Variants in DYNC1I1 observed in about 807,000 individuals in gnomAD.
DYNC1I1 encodes the protein dynein cytoplasmic 1 intermediate chain 1.
A neutral mutation model predicts 86.6 loss-of-function variants in DYNC1I1; 43 were observed. That is an observed-to-expected ratio of 0.50 (90% confidence interval 0.39 to 0.64). The LOEUF (loss-of-function observed/expected upper bound fraction) is 0.64, where lower values mean the gene tolerates loss of function less well. Among genes scored for constraint, DYNC1I1 ranks in the 30% least tolerant of loss-of-function variants. The probability of loss-of-function intolerance (pLI) is 0.00; values close to 1 mark genes in which losing one functional copy is unlikely to be tolerated. For missense variants in DYNC1I1, 604 were observed against 788.8 expected (o/e 0.77, Z 2.81); for synonymous variants, 262 against 283.7 (o/e 0.92, Z 0.77).
chr7:96,087,975 A>G (rs1251623992), intron 16 of DYNC1I1, among the ~76,000 whole-genome samples: 2 of 152,178 alleles, frequency 1.3e-5, no homozygotes, highest in Non-Finnish European at 2.9e-5. Context: ...TATTAACTTT[A>G]TTTCTTCTGG....
intron 1 of DYNC1I1, among the ~76,000 whole-genome samples, chr7:95,803,558 GTGAC>G (rs2115790157): frequency 6.6e-6 from 1 of 152,348 alleles, no homozygotes; most frequent in East Asian, 1.9e-4. Context: ...GTGTCCCAGA[GTGAC>G]TGTAGATTCA....
At chr7:95,858,752 T>C (rs1047436389) in intron 5 of DYNC1I1, among the ~76,000 whole-genome samples, 3 of 151,642 alleles carry the variant, frequency 2.0e-5, no homozygotes, top group African/African-American at 7.3e-5. Flanking sequence ...CATGATAGTA[T>C]GTCTTTAAAT....
intron 14 of DYNC1I1, among the ~76,000 whole-genome samples, chr7:96,039,809 C>T (rs1189582034): frequency 6.6e-6 from 1 of 152,004 alleles, no homozygotes; most frequent in Non-Finnish European, 1.5e-5. Context: ...TACTTACTTA[C>T]ATATGTACCT....
At chr7:95,897,446 ATT>A (rs200728895) in intron 6 of DYNC1I1, among the ~76,000 whole-genome samples, 1 of 106,240 alleles carries the variant, frequency 9.4e-6, no homozygotes, top group Non-Finnish European at 2.4e-5. Flanking sequence ...ATTGACCATG[ATT>A]TTTTTTTTTT....
chr7:95,949,253 T>C (rs1792488443), intron 6 of DYNC1I1, among the ~76,000 whole-genome samples: 1 of 152,236 alleles, frequency 6.6e-6, no homozygotes, highest in Non-Finnish European at 1.5e-5. Flanking sequence ...TCATAAAATG[T>C]AGCTCTGGAG....
rs373719281 is a variant in DYNC1I1, at chr7:95,968,880, G to A, written c.491-8632G>A. Among the ~76,000 whole-genome samples, 167 of 149,202 alleles carry A rather than the reference G, an allele frequency of 1.1e-3. 1 individual carries two copies. The highest frequency in any genetic ancestry group is 4.0e-3 in the African/African-American group (163 of 40,896). On this transcript the variant is annotated intron_variant, in intron 6 of 16. Coordinates refer to ENST00000447467, the MANE Select transcript of DYNC1I1 (RefSeq NM_001135556.2). ...TGTGTGTGTGTGTGTGTAGGCATGT[G>A]CATGCATATGTGGACAGCTACACAT... is the stretch of plus-strand genomic sequence containing the variant.
intron 6 of DYNC1I1, among the ~76,000 whole-genome samples, chr7:95,968,160 G>T (rs12704827): frequency 0.098 from 14,905 of 151,542 alleles, 980 homozygotes; most frequent in Non-Finnish European, 0.15. Flanking sequence ...ACCAGGTGCT[G>T]CATAAAAAGC....
chr7:96,066,177 G>T (rs1453883303), intron 14 of DYNC1I1, among the ~76,000 whole-genome samples: 1 of 152,076 alleles, frequency 6.6e-6, no homozygotes, highest in Non-Finnish European at 1.5e-5. Context: ...ATCCGTCTGG[G>T]AATACCATAC....
At chr7:96,068,131 A>C (rs915756400) in intron 14 of DYNC1I1, among the ~76,000 whole-genome samples, 1 of 152,126 alleles carries the variant, frequency 6.6e-6, no homozygotes, top group African/African-American at 2.4e-5. Flanking sequence ...ATACTAGACT[A>C]TTTTCCCACT....
chr7:95,932,917 A>G (rs1257255588), intron 6 of DYNC1I1, among the ~76,000 whole-genome samples: 3 of 130,658 alleles, frequency 2.3e-5, no homozygotes, highest in African/African-American at 8.6e-5. Context: ...GTCTCACTCT[A>G]TTGCCCAGAC....
At chr7:96,004,614 G>C (rs1794095500) in intron 10 of DYNC1I1, among the ~76,000 whole-genome samples, 1 of 150,860 alleles carries the variant, frequency 6.6e-6, no homozygotes, top group African/African-American at 2.4e-5. Context: ...GCAAAAAATT[G>C]TACCCAAGTG....
chr7:95,850,993 G>C (rs1789562637), intron 5 of DYNC1I1, among the ~76,000 whole-genome samples: 1 of 152,052 alleles, frequency 6.6e-6, no homozygotes, highest in Non-Finnish European at 1.5e-5. Flanking sequence ...ACCCAGGCTG[G>C]AGTACAGTGT....
Position 96,097,793 on chromosome 7 carries a change from T to C in DYNC1I1, c.*200T>C, listed in dbSNP as rs1328177710. ...ACTGACCCAAAATTCACCACAGCAT[T>C]TCTATCTTTATATTTCTGTCTCAAA... is the stretch of plus-strand genomic sequence containing the variant. On this transcript the variant is annotated 3_prime_UTR_variant, in exon 17 of 17. Coordinates refer to ENST00000447467, the MANE Select transcript of DYNC1I1 (RefSeq NM_001135556.2). 17 of 1,311,938 alleles carry C rather than the reference T, an allele frequency of 1.3e-5. No homozygotes were observed. Among genetic ancestry groups the C allele is most frequent in the Admixed American group, 9.7e-5 (3 of 30,818 alleles). 81.3% of individuals were successfully genotyped at this position (1,311,938 alleles called of 1,614,324 possible). A position where few individuals can be genotyped will look rare whatever the true frequency, so the allele number is the denominator to read the frequency against.
At chr7:95,850,919 C>T (rs1789559979) in intron 5 of DYNC1I1, among the ~76,000 whole-genome samples, 1 of 152,106 alleles carries the variant, frequency 6.6e-6, no homozygotes, top group South Asian at 2.1e-4. Flanking sequence ...ATAAGGGTTA[C>T]TTGAACAGAA....
chr7:96,109,933 A>T, intron 16 of DYNC1I1: 1 of 282,928 alleles, frequency 3.5e-6, no homozygotes. Flanking sequence ...TCTTCTATAT[A>T]TGTACTGATT....
intron 6 of DYNC1I1, among the ~76,000 whole-genome samples, chr7:95,910,620 A>G (rs1205989960): frequency 1.3e-5 from 2 of 152,188 alleles, no homozygotes; most frequent in African/African-American, 2.4e-5. Flanking sequence ...ATGGGAAATC[A>G]GGTTGCATTG....
chr7:96,039,739 C>G (rs7785652), intron 14 of DYNC1I1, among the ~76,000 whole-genome samples: 23,305 of 152,086 alleles, frequency 0.15, 1,984 homozygotes, highest in South Asian at 0.29. Flanking sequence ...CACCTCAGTC[C>G]CCTCCCCAGG....
rs1359762875 is a variant in DYNC1I1 at position 95,977,610 on chromosome 7, T to C, written c.580+9T>C. The C allele has an allele frequency of 6.2e-7, 1 of 1,610,526 alleles. No individual in the cohort carries two copies. The highest frequency in any genetic ancestry group is 1.1e-5 in the South Asian group (1 of 90,190). On this transcript the variant is annotated intron_variant, in intron 7 of 16. Transcript: ENST00000447467. ...ACAGGAAGTGAAGGAAGGTATGATA[T>C]GGAAAATAAACTGAGTAATCATTTT...
intron 4 of DYNC1I1, among the ~76,000 whole-genome samples, chr7:95,825,317 G>A (rs574097009): frequency 2.0e-5 from 3 of 152,306 alleles, no homozygotes; most frequent in African/African-American, 7.2e-5. Context: ...GAGCTGCTGG[G>A]AGAAGTGGAA....
Sources: gnomAD v4.1 joint callset for allele counts (sites outside exome capture counted in the v4.1 genomes callset) on GRCh38, gnomAD v4.1.1 for gene constraint, MANE v1.5 for transcripts, NCBI Gene and HGNC (gene_info 2026-07-23, HGNC 2026-07-21) for gene names.